Variants in PIMREG observed in about 807,000 individuals in gnomAD.
PIMREG encodes the protein protein PIMREG.
In PIMREG, 19 loss-of-function variants were observed where a neutral mutation model predicts 24.3. That is an observed-to-expected ratio of 0.78 (90% CI 0.54 to 1.15). The LOEUF is 1.15. Ranked by LOEUF, PIMREG falls within the 50% of genes most tolerant of loss-of-function variation. The pLI is 0.00. For synonymous variants in PIMREG, 112 were observed against 124.1 expected (o/e 0.90, Z 0.65); for missense variants, 283 against 306.8 (o/e 0.92, Z 0.58).
At position 6,447,481 on chromosome 17, in the gene PIMREG, C is replaced by G. The variant is rs1466345201; in HGVS notation, c.313C>G (p.Gln105Glu). The change falls in exon 3 of 6, where the codon CAA (glutamine) becomes GAA (glutamate). Residue 105 changes from glutamine to glutamate, a missense_variant. Coordinates refer to ENST00000572447, the MANE Select transcript of PIMREG (RefSeq NM_019013.3). ...AVSQRIQESC[Q>E]SGTKWLVETQ... ...GTTCCAGAGAATCCAGGAGTCCTGC[C>G]AAAGTGGCACCAAGTGGCTGGTGGA... is the stretch of plus-strand genomic sequence containing the variant. 1 of 1,613,908 alleles carries G rather than the reference C, an allele frequency of 6.2e-7. No individual in the cohort carries two copies. Among genetic ancestry groups the G allele is most frequent in the South Asian group, 1.1e-5 (1 of 91,048 alleles).
In PIMREG at chr17:6,445,212, C is replaced by T; in HGVS notation, c.102C>T (p.Ser34=). The T allele has an allele frequency of 6.2e-7, 1 of 1,613,816 alleles. No individual in the cohort carries two copies. Among genetic ancestry groups the T allele is most frequent in the Non-Finnish European group, 8.5e-7 (1 of 1,179,966 alleles). Residue 34 remains serine, a synonymous_variant, in exon 2 of 6, where the codon AGC becomes AGT. Coordinates refer to ENST00000572447, the MANE Select transcript of PIMREG (RefSeq NM_019013.3). Reference sequence around the variant, plus strand: ...GCAAGGAGCTGCAGCCTGTGGTCAGCCATCAGGAGACCTCTGTAGGGGCCC... The same window carrying T: ...GCAAGGAGCTGCAGCCTGTGGTCAGTCATCAGGAGACCTCTGTAGGGGCCC... ...EDSKELQPVV[S]HQETSVGALG... is the part of the protein sequence containing the mutation.
Position 6,449,385 on chromosome 17 carries a change from G to T in PIMREG, c.664G>T (p.Glu222Ter). 6.2e-7 allele frequency: 1 copy of T among 1,613,246 alleles called. No homozygotes were observed. The highest frequency in any genetic ancestry group is 8.5e-7 in the Non-Finnish European group (1 of 1,179,328). The stretch of plus-strand genomic sequence containing the variant: ...CCAGAAGCTGTCCCAAGAGCTAGAT[G>T]AAGCCATTATGGCGGAAGAGAGGTG... ...HLQKLSQELD[E>*]AIMAEESGDI... Residue 222 changes from glutamate (E) to a stop codon, truncating the protein, a stop_gained, in exon 4 of 6, where the codon GAA becomes TAA. Coordinates refer to ENST00000572447, the MANE Select transcript of PIMREG (RefSeq NM_019013.3). LOFTEE classifies it high-confidence loss of function.
At chr17:6,450,181 G>C in intron 5 of PIMREG, 109 bp downstream of exon 5, 28 of 1,239,022 alleles carry the variant, frequency 2.3e-5, no homozygotes, top group Non-Finnish European at 3.1e-5. Context: ...AGAGTAGGTA[G>C]TACCTACTTG....
chr17:6,446,986 G>A (rs1282894473), intron 2 of PIMREG, among the ~76,000 whole-genome samples: 3 of 152,178 alleles, frequency 2.0e-5, no homozygotes, highest in Non-Finnish European at 4.4e-5. Context: ...CATTCCATGA[G>A]GAGTCATTCA....
Position 6,447,539 on chromosome 17 carries a change from G to A in PIMREG, c.371G>A (p.Gly124Glu), listed in dbSNP as rs1331430303. ...TQVKARRRKRGAQKGSGSPTH... is the reference protein window; with the variant it reads ...TQVKARRRKREAQKGSGSPTH... ...GTGAAGGCCAGGAGGCGGAAGAGAGGAGCACAGAAGGGCAGTGGATCCCCA... is the reference window on the plus strand; with the variant it reads ...GTGAAGGCCAGGAGGCGGAAGAGAGAAGCACAGAAGGGCAGTGGATCCCCA... The change falls in exon 3 of 6, where the codon GGA becomes GAA. Residue 124 changes from glycine (G) to glutamate (E), a missense_variant. By Grantham distance (98) the Gly-to-Glu change is moderately conservative. Coordinates refer to ENST00000572447, the MANE Select transcript of PIMREG (RefSeq NM_019013.3). The A allele has an allele frequency of 6.2e-7, 1 of 1,614,162 alleles. No individual in the cohort carries two copies. Among genetic ancestry groups the A allele is most frequent in the East Asian group, 2.2e-5 (1 of 44,878 alleles).
chr17:6,449,941 C>G, intron 4 of PIMREG, 87 bp from the exon 5 acceptor site: 1 of 1,495,370 alleles, frequency 6.7e-7, no homozygotes, highest in East Asian at 2.3e-5. Flanking sequence ...ACCACATTTC[C>G]GGGTCTGATC....
intron 2 of PIMREG, 74 bp downstream of exon 2, chr17:6,445,478 G>C (rs1913538482): frequency 6.8e-7 from 1 of 1,475,224 alleles, no homozygotes; most frequent in Admixed American, 2.2e-5. Flanking sequence ...CCCTCAAAGA[G>C]CCTCAAGAAT....
chr17:6,445,555 C>T lies in PIMREG; in HGVS notation c.294+151C>T. On this transcript the variant is annotated intron_variant, in intron 2 of 5. Coordinates refer to ENST00000572447, the MANE Select transcript of PIMREG (RefSeq NM_019013.3). ...GTTTCCCCACCACCCCAGATAGTTC[C>T]TGGCACATATAGGTGCTCAACAAAT... 1.8e-5 allele frequency: 14 copies of T among 769,542 alleles called. No individual in the cohort carries two copies. In the South Asian group the frequency reaches 2.4e-4, roughly 13 times the overall value. 47.7% of individuals were successfully genotyped at this position (769,542 alleles called of 1,614,324 possible).
chr17:6,445,120 C>T lies in PIMREG; in HGVS notation c.10C>T (p.Arg4Trp), dbSNP rs750058649. 4.4e-6 allele frequency: 7 copies of T among 1,593,872 alleles called. No homozygotes were observed. Among genetic ancestry groups the T allele is most frequent in the African/African-American group, 2.7e-5 (2 of 73,756 alleles). MASRWQNMGTSVRR... is the reference protein window; with the variant it reads MASWWQNMGTSVRR... ...ACTCTTGGCCAGGCAGATGGCTTCT[C>T]GGTGGCAGAACATGGGGACCTCCGT... Residue 4 changes from arginine to tryptophan, a missense_variant, in exon 2 of 6, where the codon CGG becomes TGG. Physicochemically the swap from Arg to Trp is moderately radical, Grantham distance 101. Transcript: ENST00000572447.
Position 6,451,315 on chromosome 17 carries a change from A to G in PIMREG, c.*968A>G, listed in dbSNP as rs993553320. 2.0e-5 allele frequency: 3 copies of G among 152,252 alleles called. No individual in the cohort carries two copies. Among genetic ancestry groups the G allele is most frequent in the Admixed American group, 2.0e-4 (3 of 15,284 alleles). The allele number at this position is 152,252 out of a possible 1,614,324, so 9.4% of individuals were successfully genotyped here. ...TGACAACATTTGAGAGCTAAAAACC[A>G]GCTCACATCAAAATCAAGACCCAGT... is the stretch of plus-strand genomic sequence containing the variant. On this transcript the variant is annotated 3_prime_UTR_variant, in exon 6 of 6. Coordinates refer to ENST00000572447, the MANE Select transcript of PIMREG (RefSeq NM_019013.3).
In PIMREG at chr17:6,444,669, G is replaced by A. The variant is rs1468631541; in HGVS notation, c.-36+181G>A. 6.6e-6 allele frequency among the ~76,000 whole-genome samples: 1 copy of A among 152,122 alleles called. No individual in the cohort carries two copies. The highest frequency in any genetic ancestry group is 1.5e-5 in the Non-Finnish European group (1 of 68,016). ...GTCGTCTGGGTACCACAAGAAGTCG[G>A]ATCGAAATCGGGGCGTCTGGTGGGA... is the stretch of plus-strand genomic sequence containing the variant. On this transcript the variant is annotated intron_variant, in intron 1 of 5. Transcript: ENST00000572447. The surrounding 1 kb of genome is among the most constrained non-coding windows in gnomAD (Gnocchi z 4.3).
In PIMREG at chr17:6,447,607, G is replaced by A. The variant is rs752671456; in HGVS notation, c.439G>A (p.Ala147Thr). 54 of 1,613,820 alleles carry A rather than the reference G, an allele frequency of 3.3e-5. No homozygotes were observed. The highest frequency in any genetic ancestry group is 1.1e-4 in the South Asian group (10 of 91,078). ...SQKSTRLSGAAPAHSAADPWE... is the reference protein window; with the variant it reads ...SQKSTRLSGATPAHSAADPWE... The stretch of plus-strand genomic sequence containing the variant: ...GAAGAGCACCCGGCTGTCTGGAGCC[G>A]CCCCTGCCCACTCAGCCGCAGACCC... The change falls in exon 3 of 6, where the codon GCC (alanine) becomes ACC (threonine). Residue 147 changes from alanine (A) to threonine (T), a missense_variant. Coordinates refer to ENST00000572447, the MANE Select transcript of PIMREG (RefSeq NM_019013.3).
chr17:6,450,053 G>A lies in PIMREG; in HGVS notation c.712G>A (p.Asp238Asn), dbSNP rs916454895. 5.6e-6 allele frequency: 9 copies of A among 1,614,138 alleles called. No homozygotes were observed. Among genetic ancestry groups the A allele is most frequent in the Non-Finnish European group, 6.8e-6 (8 of 1,180,006 alleles). The change falls in exon 5 of 6, where the codon GAC becomes AAC. Residue 238 changes from aspartate to asparagine, a missense_variant. Physicochemically the swap from Asp to Asn is conservative, Grantham distance 23. Transcript: ENST00000572447. ...TGGTGACATCGTCTCTCTCATTCAT[G>A]ACTGAGGAAGTGCCTGCAGGTAATG... Reference protein sequence around the residue: ...ESGDIVSLIHD With the variant: ...ESGDIVSLIHN
Position 6,444,976 on chromosome 17 carries a change from C to T in PIMREG, c.-35-100C>T, listed in dbSNP as rs1292868062. The T allele has an allele frequency of 3.0e-6, 3 of 988,166 alleles. No homozygotes were observed. The highest frequency in any genetic ancestry group is 3.3e-5 in the African/African-American group (2 of 60,564). 61.2% of individuals were successfully genotyped at this position (988,166 alleles called of 1,614,324 possible). ...ACCAACTCGCCCGCCCCCGCCACCCCGCTGCATCCCGTCTCTTCCCCTGTG... is the reference window on the plus strand; with the variant it reads ...ACCAACTCGCCCGCCCCCGCCACCCTGCTGCATCCCGTCTCTTCCCCTGTG... On this transcript the variant is annotated intron_variant, in intron 1 of 5. Transcript: ENST00000572447. This position sits in a 1 kb window ranked among gnomAD's most constrained non-coding sequence, Gnocchi z 4.3.
At chr17:6,449,760 G>C in intron 4 of PIMREG, 3 of 1,394,392 alleles carry the variant, frequency 2.2e-6, no homozygotes, top group Non-Finnish European at 2.8e-6. Flanking sequence ...AAAGCAACCT[G>C]ACTGCTATGG....
rs771697999 is a variant in PIMREG at position 6,450,442 on chromosome 17, C to T, written c.*95C>T. ...CCGTGAGCTTCCTGGAAAAAACCCC[C>T]GGGAGTCGTCAGTACCCCTGGGCCA... On this transcript the variant is annotated 3_prime_UTR_variant, in exon 6 of 6. Transcript: ENST00000572447. The T allele has an allele frequency of 2.5e-5, 39 of 1,559,360 alleles. No individual in the cohort carries two copies. The highest frequency in any genetic ancestry group is 3.0e-5 in the Non-Finnish European group (35 of 1,159,280).
At chr17:6,448,600 T>C (rs911648643) in intron 3 of PIMREG, among the ~76,000 whole-genome samples, 11 of 152,214 alleles carry the variant, frequency 7.2e-5, no homozygotes, top group African/African-American at 2.4e-4. Flanking sequence ...GAGTAAAGGC[T>C]GGGGTCCAGA....
At chr17:6,450,270 C>T in intron 5 of PIMREG, 92 bp from the exon 6 acceptor site, 4 of 1,296,262 alleles carry the variant, frequency 3.1e-6, no homozygotes, top group Non-Finnish European at 4.2e-6. Flanking sequence ...CTACAGCCAC[C>T]TTCCAGCACC....
intron 5 of PIMREG, 85 bp downstream of exon 5, chr17:6,450,157 C>T (rs1175519971): frequency 7.1e-7 from 1 of 1,412,502 alleles, no homozygotes; most frequent in Non-Finnish European, 1.0e-6. Context: ...GCCCACAGAG[C>T]TGATGGGCAC....
Sources: allele counts gnomAD v4.1 joint callset (sites outside exome capture counted in the v4.1 genomes callset), GRCh38; gene constraint gnomAD v4.1.1; non-coding constraint Gnocchi (gnomAD v3.1); transcripts MANE v1.5; gene names NCBI Gene and HGNC (gene_info 2026-07-23, HGNC 2026-07-21).